The following NAA25 variants were observed in gnomAD, a reference collection of about 807,000 sequenced individuals.
NAA25 encodes the protein N-terminal acetyltransferase B complex subunit NAA25.
Under a neutral mutation model 132.5 loss-of-function variants are expected in NAA25, and 30 were observed. That is an observed-to-expected ratio of 0.23 (90% CI 0.17 to 0.31). The LOEUF (loss-of-function observed/expected upper bound fraction) is 0.31. Ranked by LOEUF, NAA25 falls within the 10% of genes least tolerant of loss-of-function variation. The pLI is 1.00. For missense variants in NAA25, 771 were observed against 1,150.4 expected (o/e 0.67, Z 4.77); for synonymous variants, 359 against 401.9 (o/e 0.89, Z 1.28).
At position 112,064,929 on chromosome 12, in the gene NAA25, G is replaced by A. The variant is rs2136868852; in HGVS notation, c.1150-3541C>T. The stretch of plus-strand genomic sequence containing the variant: ...CATGCCTGTAATCCCAGCTACTTGG[G>A]CAGCTTAGGCAGGAGAATTGCTTGA... On this transcript the variant is annotated intron_variant, in intron 11 of 23. Coordinates refer to ENST00000261745, the MANE Select transcript of NAA25 (RefSeq NM_024953.4). Among the ~76,000 whole-genome samples the A allele has an allele frequency of 1.3e-5, 2 of 152,284 alleles. 1 individual carries two copies. Among genetic ancestry groups the A allele is most frequent in the Non-Finnish European group, 2.9e-5 (2 of 68,018 alleles).
intron 1 of NAA25, among the ~76,000 whole-genome samples, chr12:112,105,079 G>T (rs2079342963): frequency 6.6e-6 from 1 of 151,904 alleles, no homozygotes; most frequent in Non-Finnish European, 1.5e-5. Context: ...CAGCACTTTG[G>T]GAGGCCAAGG....
At chr12:112,074,511 T>A (rs1278566512) in intron 9 of NAA25, among the ~76,000 whole-genome samples, 164 bp downstream of exon 9, 1 of 152,184 alleles carries the variant, frequency 6.6e-6, no homozygotes, top group African/African-American at 2.4e-5. Flanking sequence ...ATTTTTAGAA[T>A]GAACTTGTGT....
At chr12:112,067,185 C>A (rs994155743) in intron 11 of NAA25, among the ~76,000 whole-genome samples, 2 of 151,646 alleles carry the variant, frequency 1.3e-5, no homozygotes, top group African/African-American at 2.4e-5. Context: ...GGCGACAGAG[C>A]GAGAGCAAGA....
At chr12:112,064,118 T>C (rs1348518084) in intron 11 of NAA25, 1 of 152,252 alleles carries the variant, frequency 6.6e-6, no homozygotes, top group African/African-American at 2.4e-5. Context: ...TTAACATCTG[T>C]AATGAATTTG....
In NAA25 at chr12:112,078,688, A is replaced by T. The variant is rs1289599804; in HGVS notation, c.531T>A (p.Ala177=). 6.2e-7 allele frequency: 1 copy of T among 1,613,966 alleles called. No homozygotes were observed. Among genetic ancestry groups the T allele is most frequent in the Non-Finnish European group, 8.5e-7 (1 of 1,179,990 alleles). The change falls in exon 6 of 24, where the codon GCT becomes GCA. Residue 177 remains alanine, a synonymous_variant. Coordinates refer to ENST00000261745, the MANE Select transcript of NAA25 (RefSeq NM_024953.4). ...TCACCATTTTTTCGACCATTCTCTC[A>T]GCAAGGGGCAGAAACATTGTTTTTG... ...NLSKTMFLPL[A]ERMVEKMVKE...
rs767770335 is a variant in NAA25 at position 112,040,578 on chromosome 12, T to A, written c.2441A>T (p.Asp814Val). The A allele has an allele frequency of 1.9e-6, 3 of 1,550,794 alleles. No homozygotes were observed. The highest frequency in any genetic ancestry group is 1.8e-6 in the Non-Finnish European group (2 of 1,135,676). Residue 814 changes from aspartate to valine, a missense_variant and splice_region_variant, in exon 21 of 24, where the codon GAT becomes GTT. By Grantham distance (152) the Asp-to-Val change is radical. Coordinates refer to ENST00000261745, the MANE Select transcript of NAA25 (RefSeq NM_024953.4). Reference sequence around the variant, plus strand: ...GTCACCTTTACATTTACTGAAGACATCTGAAAACAAAAAACATTTTAGTTT... The same window carrying A: ...GTCACCTTTACATTTACTGAAGACAACTGAAAACAAAAAACATTTTAGTTT... The part of the protein sequence containing the change: ...SFKSLLDQLK[D>V]VFSKCKGDLL...
In NAA25 at chr12:112,040,222, G is replaced by A. The variant is rs186227712; in HGVS notation, c.2538+259C>T. 67 of 304,944 alleles carry A rather than the reference G, an allele frequency of 2.2e-4. 1 individual carries two copies. The highest frequency in any genetic ancestry group is 9.7e-4 in the Middle Eastern group (1 of 1,026). The allele number at this position is 304,944 out of a possible 1,614,324, so 18.9% of individuals were successfully genotyped here. ...AAGGAGAATGAAAACAGCTAGATTT[G>A]AGGTGAATCTGGGGAAGTTTAGAGA... On this transcript the variant is annotated intron_variant, in intron 21 of 23. Transcript: ENST00000261745.
At chr12:112,098,785 A>T (rs1284810705) in intron 1 of NAA25, among the ~76,000 whole-genome samples, 1 of 151,712 alleles carries the variant, frequency 6.6e-6, no homozygotes, top group African/African-American at 2.4e-5. Context: ...TTTTTTTGAG[A>T]CTCGCTCTGT....
chr12:112,108,654 G>GC, intron 1 of NAA25, 62 bp downstream of exon 1: 2 of 1,374,558 alleles, frequency 1.5e-6, no homozygotes, highest in Non-Finnish European at 1.9e-6. Flanking sequence ...CTGGGCTTTC[G>GC]CCCCAGCCTC....
chr12:112,102,519 T>G (rs2079308257), intron 1 of NAA25, among the ~76,000 whole-genome samples: 1 of 152,216 alleles, frequency 6.6e-6, no homozygotes, highest in African/African-American at 2.4e-5. Flanking sequence ...GTCAGGGTTT[T>G]TTGTTGTTGT....
intron 2 of NAA25, among the ~76,000 whole-genome samples, chr12:112,092,036 T>C (rs2079138430): frequency 6.6e-6 from 1 of 151,986 alleles, no homozygotes; most frequent in Admixed American, 6.6e-5. Context: ...GTCAGGAGAT[T>C]GAGACCATCC....
chr12:112,094,879 C>T (rs1047245193), intron 1 of NAA25, among the ~76,000 whole-genome samples: 10 of 152,046 alleles, frequency 6.6e-5, no homozygotes, highest in Non-Finnish European at 7.4e-5. Flanking sequence ...AGGCTAGTCT[C>T]GAACTCCTGA....
At chr12:112,067,223 A>G (rs762422388) in intron 11 of NAA25, among the ~76,000 whole-genome samples, 27 of 152,130 alleles carry the variant, frequency 1.8e-4, no homozygotes, top group Non-Finnish European at 3.5e-4. Flanking sequence ...AGAAACAAAG[A>G]AACAAGACAT....
At chr12:112,044,884 A>C (rs1365797336) in intron 17 of NAA25, among the ~76,000 whole-genome samples, 2 of 150,874 alleles carry the variant, frequency 1.3e-5, no homozygotes, top group Non-Finnish European at 1.5e-5. Context: ...CTAAAAAAAA[A>C]AAAAAAAAAA....
At chr12:112,077,198 C>T (rs373462558) in intron 7 of NAA25, among the ~76,000 whole-genome samples, 8 of 151,306 alleles carry the variant, frequency 5.3e-5, no homozygotes, top group South Asian at 4.2e-4. Flanking sequence ...GGAGGCCAGG[C>T]GTGGTGGCTC....
chr12:112,090,375 C>T (rs2079113004), intron 3 of NAA25: 1 of 171,762 alleles, frequency 5.8e-6, no homozygotes, highest in Non-Finnish European at 1.2e-5. Flanking sequence ...ATAAAATGGG[C>T]CATGTGTTAA....
chr12:112,075,600 A>G, intron 8 of NAA25, 78 bp downstream of exon 8: 1 of 1,217,016 alleles, frequency 8.2e-7, no homozygotes, highest in Non-Finnish European at 1.2e-6. Flanking sequence ...ACTTCAAAAC[A>G]CAGACACCAA....
Position 112,054,372 on chromosome 12 carries a change from A to C in NAA25, c.1628+16T>G. On this transcript the variant is annotated intron_variant, in intron 14 of 23. Transcript: ENST00000261745. ...GTATAGCTGGCTGCTCATTATTCAG[A>C]GTATATACTACCAACCCAATGGTAT... 1.2e-6 allele frequency: 2 copies of C among 1,611,270 alleles called. No individual in the cohort carries two copies. Among genetic ancestry groups the C allele is most frequent in the Non-Finnish European group, 1.7e-6 (2 of 1,178,160 alleles).
rs759450139 is a variant in NAA25 at position 112,028,391 on chromosome 12, G to A, written c.*1140C>T. 4 of 152,502 alleles carry A rather than the reference G, an allele frequency of 2.6e-5. No individual in the cohort carries two copies. The highest frequency in any genetic ancestry group is 5.9e-5 in the Non-Finnish European group (4 of 68,030). The allele number at this position is 152,502 out of a possible 1,614,324, so 9.4% of individuals were successfully genotyped here. On this transcript the variant is annotated 3_prime_UTR_variant, in exon 24 of 24. Transcript: ENST00000261745. ...TACCTCTTCTATCAGACCAACCACT[G>A]ATAGAAGAAGCTAGAGTCTTGGGGA...
Sources: allele counts gnomAD v4.1 joint callset (sites outside exome capture counted in the v4.1 genomes callset), GRCh38; gene constraint gnomAD v4.1.1; transcripts MANE v1.5; gene names NCBI Gene and HGNC (gene_info 2026-07-23, HGNC 2026-07-21).